ELAVL4: variants seen among roughly 807,000 people sequenced by gnomAD.
The protein encoded by ELAVL4 is ELAV like RNA binding protein 4.
ELAVL4 carries 1 observed loss-of-function variant against 35.6 expected under a neutral mutation model. The observed-to-expected ratio is 0.03, with a 90% CI of 0.01 to 0.13. The LOEUF (loss-of-function observed/expected upper bound fraction) is 0.13. ELAVL4 is among the 10% of genes least tolerant of loss of function. The pLI, the probability that ELAVL4 is intolerant of heterozygous loss-of-function variation, is 1.00. For missense variants in ELAVL4, 267 were observed against 464.9 expected, an observed-to-expected ratio of 0.57 and a Z score of 3.91; for synonymous variants, 156 against 171.0, an observed-to-expected ratio of 0.91 and a Z score of 0.69.
intron 1 of ELAVL4, among the ~76,000 whole-genome samples, chr1:50,125,065 A>T (rs1368297966): frequency 6.6e-6 from 1 of 151,954 alleles, no homozygotes; most frequent in Non-Finnish European, 1.5e-5. Context: ...AAGAAGACAG[A>T]GAATAGAGTA....
At chr1:50,055,500 C>T (rs1663612963) in intron 1 of ELAVL4, among the ~76,000 whole-genome samples, 2 of 151,956 alleles carry the variant, frequency 1.3e-5, no homozygotes, top group African/African-American at 4.8e-5. Context: ...GGGGTTTCAC[C>T]GTGTTAGCCA....
chr1:50,183,280 C>T (rs1681330415), intron 3 of ELAVL4, among the ~76,000 whole-genome samples: 1 of 152,072 alleles, frequency 6.6e-6, no homozygotes, highest in East Asian at 1.9e-4. Context: ...GAAATATTTC[C>T]AGAGGACAGG....
rs556841742 is a variant in ELAVL4 at position 50,156,083 on chromosome 1, GCACGCAGGCA to G, written c.250+10890_250+10899del. 1.3e-4 allele frequency among the ~76,000 whole-genome samples: 20 copies of G among 151,770 alleles called. No homozygotes were observed. In the South Asian group the frequency reaches 4.2e-3, roughly 32 times the overall value. On this transcript the variant is annotated intron_variant, in intron 2 of 6. Coordinates refer to ENST00000371824, the MANE Select transcript of ELAVL4 (RefSeq NM_001144774.3). ...AAACACTTTTCTGGCAGGCATGTGC[GCACGCAGGCA>G]CACACACAAACACATCCCCCAAACA...
Position 50,133,599 on chromosome 1 carries a change from A to AAAGAAAAGAAAG in ELAVL4, c.10-11356_10-11355insGAAAAGAAAGAA, listed in dbSNP as rs1460308549. Among the ~76,000 whole-genome samples the AAAGAAAAGAAAG allele has an allele frequency of 2.2e-4, 29 of 129,262 alleles. No homozygotes were observed. In the South Asian group the frequency reaches 3.0e-3, roughly 13 times the overall value. 84.8% of individuals were successfully genotyped at this position (129,262 alleles called of 152,430 possible). On this transcript the variant is annotated intron_variant, in intron 1 of 6. Transcript: ENST00000371824. ...GAGAGAGAGAAAGAAAGAAAGAAAG[A>AAAGAAAAGAAAG]AAAGAAAGAAAGAAAGAAAGAAAGA... is the stretch of plus-strand genomic sequence containing the variant.
intron 2 of ELAVL4, among the ~76,000 whole-genome samples, chr1:50,164,446 C>T (rs1383912122): frequency 6.6e-6 from 1 of 152,216 alleles, no homozygotes; most frequent in African/African-American, 2.4e-5. Flanking sequence ...CTCTCATTCT[C>T]TCCTTCAGGG....
At chr1:50,149,123 C>T (rs937398250) in intron 2 of ELAVL4, among the ~76,000 whole-genome samples, 5 of 152,030 alleles carry the variant, frequency 3.3e-5, no homozygotes, top group Non-Finnish European at 5.9e-5. Context: ...TTAGGCCAGG[C>T]GCAGTGACTC....
rs1644402647 is a variant in ELAVL4, at chr1:50,201,728, A to G, written c.*550A>G. 1.3e-5 allele frequency: 2 copies of G among 152,068 alleles called. No homozygotes were observed. Among genetic ancestry groups the G allele is most frequent in the African/African-American group, 4.8e-5 (2 of 41,438 alleles). 9.4% of individuals were successfully genotyped at this position (152,068 alleles called of 1,614,324 possible). Reference sequence around the variant, plus strand: ...AAGAGGAATAATAAAAATTGCAAAAATAAAAAAAAACTTTTGCAAATTTTT... The same window carrying G: ...AAGAGGAATAATAAAAATTGCAAAAGTAAAAAAAAACTTTTGCAAATTTTT... On this transcript the variant is annotated 3_prime_UTR_variant, in exon 7 of 7. Transcript: ENST00000371824. The surrounding 1 kb of genome is among the most constrained non-coding windows in gnomAD (Gnocchi z 4.3).
chr1:50,166,728 T>C (rs1232270721), intron 2 of ELAVL4, among the ~76,000 whole-genome samples: 1 of 152,188 alleles, frequency 6.6e-6, no homozygotes, highest in South Asian at 2.1e-4. Flanking sequence ...CTAATGAATC[T>C]CCTGTATTCC....
At chr1:50,087,739 A>G (rs1665314226) in intron 1 of ELAVL4, among the ~76,000 whole-genome samples, 1 of 152,192 alleles carries the variant, frequency 6.6e-6, no homozygotes, top group South Asian at 2.1e-4. Flanking sequence ...CCTTATAAGA[A>G]GAGGAAGAGA....
chr1:50,201,252 T>TA lies in ELAVL4; in HGVS notation c.*75dup. On this transcript the variant is annotated 3_prime_UTR_variant, in exon 7 of 7. Coordinates refer to ENST00000371824, the MANE Select transcript of ELAVL4 (RefSeq NM_001144774.3). This position sits in a 1 kb window ranked among gnomAD's most constrained non-coding sequence, Gnocchi z 4.3. ...AAACACACGCGCGCACACACACACATACACGAAAGAGAGAGAAACAAACTT... is the reference window on the plus strand; with the variant it reads ...AAACACACGCGCGCACACACACACATAACACGAAAGAGAGAGAAACAAACTT... The TA allele has an allele frequency of 7.1e-7, 1 of 1,404,522 alleles. No individual in the cohort carries two copies. Among genetic ancestry groups the TA allele is most frequent in the South Asian group, 1.6e-5 (1 of 62,966 alleles). The allele number at this position is 1,404,522 out of a possible 1,614,324, so 87.0% of individuals were successfully genotyped here.
chr1:50,104,559 T>C (rs1030502216), upstream of ELAVL4, among the ~76,000 whole-genome samples: 2 of 152,212 alleles, frequency 1.3e-5, no homozygotes, highest in Admixed American at 6.5e-5. Context: ...AAATACGGCC[T>C]GGATGGGCTG....
At chr1:50,180,471 A>G (rs967194129) in intron 3 of ELAVL4, 1 of 152,216 alleles carries the variant, frequency 6.6e-6, no homozygotes, top group African/African-American at 2.4e-5. Flanking sequence ...GTCAACAAAT[A>G]TCCATTTCCC....
At chr1:50,172,813 T>C (rs1487024976) in intron 2 of ELAVL4, among the ~76,000 whole-genome samples, 1 of 152,168 alleles carries the variant, frequency 6.6e-6, no homozygotes, top group African/African-American at 2.4e-5. Flanking sequence ...ATCAAATGCA[T>C]AGAAGGATGG....
chr1:50,067,558 C>A (rs552333539), intron 1 of ELAVL4, among the ~76,000 whole-genome samples: 200 of 152,220 alleles, frequency 1.3e-3, no homozygotes, highest in African/African-American at 4.6e-3. Flanking sequence ...TATAGGTAAA[C>A]CGATACAGGG....
chr1:50,134,025 C>T (rs1273038295), intron 1 of ELAVL4, among the ~76,000 whole-genome samples: 3 of 152,176 alleles, frequency 2.0e-5, no homozygotes, highest in African/African-American at 7.2e-5. Flanking sequence ...TACTCCTCCC[C>T]TCTTCCTCAC....
chr1:50,177,063 T>C, intron 2 of ELAVL4, 26 bp from the exon 3 acceptor site: 1 of 1,582,650 alleles, frequency 6.3e-7, no homozygotes, highest in Non-Finnish European at 8.7e-7. Context: ...TCTCCCTTTC[T>C]CTCTCTCTTT....
In ELAVL4 at chr1:50,202,152, T is replaced by TA. The variant is rs1644417896; in HGVS notation, c.*976dup. On this transcript the variant is annotated 3_prime_UTR_variant, in exon 7 of 7. Transcript: ENST00000371824. ...GTAATAATAATTAAAAAACAATTAT[T>TA]AATTACTAGGGGAAAGGAGTGTTCG... is the stretch of plus-strand genomic sequence containing the variant. 2.0e-5 allele frequency: 3 copies of TA among 152,124 alleles called. No homozygotes were observed. The highest frequency in any genetic ancestry group is 4.4e-5 in the Non-Finnish European group (3 of 68,008). 9.4% of individuals were successfully genotyped at this position (152,124 alleles called of 1,614,324 possible). A position where few individuals can be genotyped will look rare whatever the true frequency, so the allele number is the denominator to read the frequency against.
At chr1:50,144,781 G>GTTTA (rs1442798718) in intron 1 of ELAVL4, 176 bp from the exon 2 acceptor site, 3 of 944,634 alleles carry the variant, frequency 3.2e-6, no homozygotes, top group Non-Finnish European at 3.4e-6. Context: ...AGAAAGAGGA[G>GTTTA]TTTAACATTT....
At position 50,109,297 on chromosome 1, in the gene ELAVL4, C is replaced by T. The variant is rs572927705; in HGVS notation, c.9+99C>T. The stretch of plus-strand genomic sequence containing the variant: ...CTTATGCTTGCACAAGAGTTTAGTT[C>T]TGTGCTGCTGTTTGGTTCCTACATT... On this transcript the variant is annotated intron_variant, in intron 1 of 6. Transcript: ENST00000371824. 987 of 1,280,926 alleles carry T rather than the reference C, an allele frequency of 7.7e-4. 1 individual carries two copies. Among genetic ancestry groups the T allele is most frequent in the Non-Finnish European group, 1.1e-3 (955 of 906,166 alleles). The allele number at this position is 1,280,926 out of a possible 1,614,324, so 79.3% of individuals were successfully genotyped here. A position where few individuals can be genotyped will look rare whatever the true frequency, so the allele number is the denominator to read the frequency against.
Sources: allele counts gnomAD v4.1 joint callset (sites outside exome capture counted in the v4.1 genomes callset), GRCh38; gene constraint gnomAD v4.1.1; non-coding constraint Gnocchi (gnomAD v3.1); transcripts MANE v1.5; gene names NCBI Gene and HGNC (gene_info 2026-07-23, HGNC 2026-07-21).